SPTLC3: variants seen among roughly 807,000 people sequenced by gnomAD.
SPTLC3 encodes the protein serine palmitoyltransferase 3.
In SPTLC3, 36 loss-of-function variants were observed where a neutral mutation model predicts 59.3. That is an observed-to-expected ratio of 0.61 (90% confidence interval 0.47 to 0.80). The LOEUF is 0.80. Ranked by LOEUF, SPTLC3 falls within the 30% of genes least tolerant of loss-of-function variation. SPTLC3 has a pLI of 0.00. For synonymous variants in SPTLC3, 257 were observed against 240.8 expected (o/e 1.07, Z -0.62); for missense variants, 625 against 685.1 (o/e 0.91, Z 0.98).
chr20:13,058,934 A>G (rs1412570732), intron 2 of SPTLC3, among the ~76,000 whole-genome samples: 2 of 152,154 alleles, frequency 1.3e-5, no homozygotes, highest in African/African-American at 2.4e-5. Context: ...GACCAAGAAG[A>G]TGGTAAACTA....
chr20:13,026,437 G>T (rs995526726), intron 1 of SPTLC3, among the ~76,000 whole-genome samples: 1 of 152,062 alleles, frequency 6.6e-6, no homozygotes, highest in African/African-American at 2.4e-5. Context: ...GGTGTGAGAT[G>T]GTATGTCATT....
At chr20:13,093,887 T>C (rs371290743) in intron 6 of SPTLC3, among the ~76,000 whole-genome samples, 2 of 152,294 alleles carry the variant, frequency 1.3e-5, no homozygotes, top group South Asian at 4.1e-4. Context: ...GTTATTACTC[T>C]TCCCTTTCTA....
chr20:13,100,001 A>G (rs6041855), intron 6 of SPTLC3, among the ~76,000 whole-genome samples: 46,860 of 152,142 alleles, frequency 0.31, 7,944 homozygotes, highest in Middle Eastern at 0.39. Flanking sequence ...CTGCTCTCAC[A>G]GACTGTCCTC....
intron 7 of SPTLC3, among the ~76,000 whole-genome samples, chr20:13,112,605 G>C (rs1600299730): frequency 2.0e-5 from 3 of 152,132 alleles, no homozygotes; most frequent in Non-Finnish European, 2.9e-5. Context: ...CAATCAACCT[G>C]GTGATGACAC....
intron 11 of SPTLC3, among the ~76,000 whole-genome samples, chr20:13,160,850 A>G (rs6041925): frequency 0.08 from 12,201 of 152,278 alleles, 569 homozygotes; most frequent in African/African-American, 0.11. Context: ...CTGTGGGATC[A>G]TGAAGGTGGG....
chr20:13,160,872 G>C (rs997389431), intron 11 of SPTLC3, among the ~76,000 whole-genome samples: 4 of 152,212 alleles, frequency 2.6e-5, no homozygotes, highest in Non-Finnish European at 5.9e-5. Context: ...TGAATTATTA[G>C]AGTGGAGAAG....
In SPTLC3 at chr20:13,166,746, A is replaced by C. The variant is rs1015227658; in HGVS notation, c.*1879A>C. On this transcript the variant is annotated 3_prime_UTR_variant, in exon 12 of 12. Coordinates refer to ENST00000399002, the MANE Select transcript of SPTLC3 (RefSeq NM_018327.4). ...TTCCACAAGGTATGGAAAGCAATAA[A>C]CATCTTCCTTTCTTTCTGGATCTGT... is the stretch of plus-strand genomic sequence containing the variant. 1.3e-5 allele frequency: 2 copies of C among 152,212 alleles called. No homozygotes were observed. The highest frequency in any genetic ancestry group is 4.8e-5 in the African/African-American group (2 of 41,448). 9.4% of individuals were successfully genotyped at this position (152,212 alleles called of 1,614,324 possible). A position where few individuals can be genotyped will look rare whatever the true frequency, so the allele number is the denominator to read the frequency against.
chr20:13,051,286 G>A (rs1235948344), intron 2 of SPTLC3, among the ~76,000 whole-genome samples: 2 of 152,186 alleles, frequency 1.3e-5, no homozygotes, highest in Admixed American at 6.5e-5. Flanking sequence ...GATAGCAGGG[G>A]TAGCTATTCT....
intron 4 of SPTLC3, among the ~76,000 whole-genome samples, chr20:13,076,167 G>A (rs1988639195): frequency 6.6e-6 from 1 of 152,118 alleles, no homozygotes; most frequent in Non-Finnish European, 1.5e-5. Flanking sequence ...CTAATTTTAG[G>A]CAAATAGAAT....
At chr20:13,089,186 G>A (rs1989117835) in intron 4 of SPTLC3, among the ~76,000 whole-genome samples, 2 of 152,074 alleles carry the variant, frequency 1.3e-5, no homozygotes, top group Non-Finnish European at 2.9e-5. Context: ...TGATCCTTAG[G>A]CAGAAGAAAG....
chr20:13,073,582 A>G, intron 3 of SPTLC3: 2 of 188,974 alleles, frequency 1.1e-5, no homozygotes, highest in East Asian at 1.3e-4. Flanking sequence ...ACTTGGTGGA[A>G]GGAATAATAG....
chr20:13,061,614 G>T (rs1987977889), intron 2 of SPTLC3, among the ~76,000 whole-genome samples: 1 of 152,092 alleles, frequency 6.6e-6, no homozygotes. Flanking sequence ...CACCAGTCCA[G>T]GTGCTCTGGA....
intron 6 of SPTLC3, among the ~76,000 whole-genome samples, chr20:13,094,183 G>A (rs6109694): frequency 0.065 from 9,837 of 152,210 alleles, 354 homozygotes; most frequent in South Asian, 0.1. Context: ...GATGGTGGTG[G>A]ACATCTGAGT....
rs998241542 is a variant in SPTLC3 at position 13,030,509 on chromosome 20, C to T, written c.118-18436C>T. On this transcript the variant is annotated intron_variant, in intron 1 of 11. Transcript: ENST00000399002. ...TTGTTTAAACTCATCAGTAGCTTCCCGTGTTAAGATCAAAGCTGCAATCCT... is the reference window on the plus strand; with the variant it reads ...TTGTTTAAACTCATCAGTAGCTTCCTGTGTTAAGATCAAAGCTGCAATCCT... 3.3e-5 allele frequency among the ~76,000 whole-genome samples: 5 copies of T among 152,170 alleles called. 1 individual carries two copies. The highest frequency in any genetic ancestry group is 2.4e-5 in the African/African-American group (1 of 41,440).
At chr20:13,156,822 G>A (rs1013636539) in intron 10 of SPTLC3, among the ~76,000 whole-genome samples, 71 of 152,252 alleles carry the variant, frequency 4.7e-4, no homozygotes, top group African/African-American at 1.4e-3. Flanking sequence ...TCAACTGAGC[G>A]CAAGGTTGAA....
intron 9 of SPTLC3, among the ~76,000 whole-genome samples, chr20:13,134,020 C>T (rs2038186037): frequency 6.6e-6 from 1 of 152,206 alleles, no homozygotes; most frequent in South Asian, 2.1e-4. Context: ...GTTGGCCACG[C>T]TCAAACTGTG....
intron 1 of SPTLC3, among the ~76,000 whole-genome samples, chr20:13,036,768 G>A (rs1368507556): frequency 1.3e-5 from 2 of 152,084 alleles, no homozygotes; most frequent in African/African-American, 2.4e-5. Context: ...GTATATCAGT[G>A]TGTACTAGAT....
At chr20:13,055,723 G>T (rs2122518321) in intron 2 of SPTLC3, among the ~76,000 whole-genome samples, 1 of 152,260 alleles carries the variant, frequency 6.6e-6, no homozygotes, top group East Asian at 1.9e-4. Flanking sequence ...CCTACTCTGG[G>T]ATGGGGGCCT....
intron 10 of SPTLC3, 150 bp downstream of exon 10, chr20:13,154,288 A>C (rs2122963209): frequency 2.1e-6 from 2 of 931,740 alleles, no homozygotes; most frequent in Non-Finnish European, 3.2e-6. Context: ...CTGTCACTCT[A>C]TCAGCTAGAC....
Sources: allele counts gnomAD v4.1 joint callset (sites outside exome capture counted in the v4.1 genomes callset), GRCh38; gene constraint gnomAD v4.1.1; transcripts MANE v1.5; gene names NCBI Gene and HGNC (gene_info 2026-07-23, HGNC 2026-07-21).